Variants in ROCK2 observed in about 807,000 individuals in gnomAD.
ROCK2 encodes the protein rho-associated protein kinase 2.
A neutral mutation model predicts 195.1 loss-of-function variants in ROCK2; 61 were observed. The ratio of observed to expected loss-of-function variants is 0.31; its 90% CI spans 0.25 to 0.39. ROCK2 has a LOEUF of 0.39. ROCK2 is among the 10% of genes least tolerant of loss of function. ROCK2 has a pLI of 1.00. For missense variants in ROCK2, 1,109 were observed against 1,637.4 expected, an observed-to-expected ratio of 0.68 and a Z score of 5.57; for synonymous variants, 504 against 545.5, an observed-to-expected ratio of 0.92 and a Z score of 1.06.
chr2:11,274,487 CTA>C (rs1383588322), intron 3 of ROCK2, among the ~76,000 whole-genome samples: 2 of 152,164 alleles, frequency 1.3e-5, no homozygotes, highest in African/African-American at 4.8e-5. Flanking sequence ...CTGACCAATT[CTA>C]TGTTAACAAA....
chr2:11,281,208 TAAAAAAAAAAAA>T (rs1173116040), intron 3 of ROCK2, among the ~76,000 whole-genome samples: 1 of 100,584 alleles, frequency 9.9e-6, no homozygotes, highest in African/African-American at 4.0e-5. Flanking sequence ...ACTCATTATT[TAAAAAAAAAAAA>T]AAAAAAAAAA....
intron 1 of ROCK2, among the ~76,000 whole-genome samples, chr2:11,322,585 T>C (rs537384785): frequency 2.6e-5 from 4 of 152,098 alleles, no homozygotes; most frequent in Non-Finnish European, 4.4e-5. Flanking sequence ...GCTGCTCAAA[T>C]AGCAAGTAAG....
chr2:11,194,315 A>C lies in ROCK2; in HGVS notation c.3549T>G (p.Leu1183=), dbSNP rs765442638. The part of the protein sequence containing the change: ...KYVIVSSKKI[L]FYDSEQDKEQ... ...CTTTATCTTGTTCACTGTCATAGAAAAGAATCTTCTTACTGCTTACAATCA... is the reference window on the plus strand; with the variant it reads ...CTTTATCTTGTTCACTGTCATAGAACAGAATCTTCTTACTGCTTACAATCA... The change falls in exon 29 of 33, where the codon CTT becomes CTG. Residue 1183 remains leucine (L), a synonymous_variant. Coordinates refer to ENST00000315872, the MANE Select transcript of ROCK2 (RefSeq NM_004850.5). 1.8e-5 allele frequency: 26 copies of C among 1,468,056 alleles called. No individual in the cohort carries two copies. In the South Asian group the frequency reaches 3.7e-4, roughly 21 times the overall value. The allele number at this position is 1,468,056 out of a possible 1,614,324, so 90.9% of individuals were successfully genotyped here. A position where few individuals can be genotyped will look rare whatever the true frequency, so the allele number is the denominator to read the frequency against.
chr2:11,195,680 A>G (rs1663608225), intron 27 of ROCK2, among the ~76,000 whole-genome samples: 1 of 151,930 alleles, frequency 6.6e-6, no homozygotes, highest in Non-Finnish European at 1.5e-5. Context: ...ACGCCCAGCT[A>G]TTTCTTGTAT....
intron 3 of ROCK2, among the ~76,000 whole-genome samples, chr2:11,254,430 G>A (rs1665944970): frequency 1.3e-5 from 2 of 152,152 alleles, no homozygotes; most frequent in Admixed American, 6.5e-5. Flanking sequence ...ACACTGGAAA[G>A]CAAGGAGAGG....
At chr2:11,226,937 A>G (rs941422668) in intron 6 of ROCK2, among the ~76,000 whole-genome samples, 2 of 149,810 alleles carry the variant, frequency 1.3e-5, no homozygotes, top group South Asian at 4.2e-4. Flanking sequence ...AAAAAAAAGA[A>G]GGAAAATCTT....
At chr2:11,314,018 G>A (rs1668117049) in intron 1 of ROCK2, among the ~76,000 whole-genome samples, 1 of 151,840 alleles carries the variant, frequency 6.6e-6, no homozygotes, top group Non-Finnish European at 1.5e-5. Flanking sequence ...TTGATACTCA[G>A]ATGTAAAGAA....
chr2:11,317,612 A>ATATATATATATATATATT (rs59701503), intron 1 of ROCK2, among the ~76,000 whole-genome samples: 2 of 19,316 alleles, frequency 1.0e-4, no homozygotes, highest in African/African-American at 1.6e-4. Context: ...ATATATATAT[A>ATATATATATATATATATT]TTTTTTTTTT....
intron 1 of ROCK2, among the ~76,000 whole-genome samples, chr2:11,334,510 CAAAAAAAAAA>C (rs34182610): frequency 1.1e-5 from 1 of 89,674 alleles, no homozygotes; most frequent in Admixed American, 1.3e-4. Context: ...GACTCTGTCT[CAAAAAAAAAA>C]AAAAAAAAAA....
chr2:11,306,785 T>C (rs1219383886), intron 1 of ROCK2, among the ~76,000 whole-genome samples: 1 of 152,178 alleles, frequency 6.6e-6, no homozygotes, highest in African/African-American at 2.4e-5. Context: ...CAAACCTATT[T>C]CCATCAGCAA....
At chr2:11,340,665 T>C (rs1459843206) in intron 1 of ROCK2, among the ~76,000 whole-genome samples, 1 of 152,230 alleles carries the variant, frequency 6.6e-6, no homozygotes, top group East Asian at 1.9e-4. Context: ...ACATACAATT[T>C]TATTTTAACT....
At chr2:11,220,572 C>T (rs958622545) in intron 9 of ROCK2, among the ~76,000 whole-genome samples, 10 of 152,162 alleles carry the variant, frequency 6.6e-5, no homozygotes, top group Admixed American at 4.6e-4. Flanking sequence ...ATAGTCTCAT[C>T]GAGTCCTCCA....
At chr2:11,327,039 G>A (rs1668570723) in intron 1 of ROCK2, among the ~76,000 whole-genome samples, 1 of 152,184 alleles carries the variant, frequency 6.6e-6, no homozygotes, top group African/African-American at 2.4e-5. Context: ...TAGAGACCAT[G>A]AATTTGCAGT....
At position 11,214,477 on chromosome 2, in the gene ROCK2, C is replaced by A; in HGVS notation, c.1937-14G>T. 6.8e-7 allele frequency: 1 copy of A among 1,461,228 alleles called. No homozygotes were observed. The highest frequency in any genetic ancestry group is 9.5e-7 in the Non-Finnish European group (1 of 1,051,786). The allele number at this position is 1,461,228 out of a possible 1,614,324, so 90.5% of individuals were successfully genotyped here. A position where few individuals can be genotyped will look rare whatever the true frequency, so the allele number is the denominator to read the frequency against. On this transcript the variant is annotated splice_polypyrimidine_tract_variant and intron_variant, in intron 16 of 32. Coordinates refer to ENST00000315872, the MANE Select transcript of ROCK2 (RefSeq NM_004850.5). ...CACATATTCTACCTAAAAATTGCAA[C>A]GTTTTTTTAAAACATTAAACCCACA...
intron 28 of ROCK2, among the ~76,000 whole-genome samples, chr2:11,194,629 T>A (rs1663556750): frequency 6.6e-6 from 1 of 151,962 alleles, no homozygotes; most frequent in South Asian, 2.1e-4. Context: ...AAAATAAACA[T>A]AATAACATCA....
At position 11,216,637 on chromosome 2, in the gene ROCK2, A is replaced by G. The variant is rs1664439932; in HGVS notation, c.1413-431T>C. On this transcript the variant is annotated intron_variant, in intron 12 of 32. Transcript: ENST00000315872. ...GCGACTGTCCCGCCTCAGCCTCCCA[A>G]GTAATTCCCTTGACCTCCCAAAGTG... Among the ~76,000 whole-genome samples the G allele has an allele frequency of 5.3e-5, 8 of 151,156 alleles. 1 individual carries two copies. The South Asian group carries it at 1.7e-3, about 32-fold the overall frequency.
intron 1 of ROCK2, among the ~76,000 whole-genome samples, chr2:11,315,660 T>C (rs72789534): frequency 0.042 from 6,464 of 152,154 alleles, 278 homozygotes; most frequent in Non-Finnish European, 0.06. Context: ...GTCTGTTAAA[T>C]AGGCAGCACT....
intron 3 of ROCK2, among the ~76,000 whole-genome samples, chr2:11,251,490 T>C (rs893360757): frequency 2.0e-4 from 30 of 152,214 alleles, no homozygotes; most frequent in African/African-American, 6.5e-4. Context: ...CCAAGGGCTA[T>C]ATAGATAGTA....
At chr2:11,265,710 A>T (rs1031361475) in intron 3 of ROCK2, among the ~76,000 whole-genome samples, 2 of 152,236 alleles carry the variant, frequency 1.3e-5, no homozygotes, top group African/African-American at 4.8e-5. Context: ...ATGCATTCAT[A>T]TATTAAATTC....
Sources: gnomAD v4.1 joint callset for allele counts (sites outside exome capture counted in the v4.1 genomes callset) on GRCh38, gnomAD v4.1.1 for gene constraint, MANE v1.5 for transcripts, NCBI Gene and HGNC (gene_info 2026-07-23, HGNC 2026-07-21) for gene names.